PHC2: variants seen among roughly 807,000 people sequenced by gnomAD.
PHC2 encodes the protein polyhomeotic homolog 2.
A neutral mutation model predicts 87.4 loss-of-function variants in PHC2; 29 were observed. The observed-to-expected ratio is 0.33, with a 90% CI of 0.25 to 0.45. The LOEUF (loss-of-function observed/expected upper bound fraction) is 0.45, where lower values mean the gene tolerates loss of function less well. Ranked by LOEUF, PHC2 falls within the 20% of genes least tolerant of loss-of-function variation. The probability of loss-of-function intolerance (pLI) is 1.00; values close to 1 mark genes in which losing one functional copy is unlikely to be tolerated. For synonymous variants in PHC2, 438 were observed against 461.7 expected (o/e 0.95, Z 0.66); for missense variants, 857 against 1,136.7 (o/e 0.75, Z 3.54).
chr1:33,371,246 A>G, intron 3 of PHC2, 152 bp from the exon 4 acceptor site: 1 of 659,074 alleles, frequency 1.5e-6, no homozygotes, highest in Non-Finnish European at 2.8e-6. Context: ...GCCCACAGCA[A>G]GTATCCCGCC....
intron 9 of PHC2, among the ~76,000 whole-genome samples, chr1:33,336,001 T>G (rs557931924): frequency 0.34 from 51,382 of 149,692 alleles, 9,963 homozygotes; most frequent in African/African-American, 0.53. Flanking sequence ...TTGTTGTTTT[T>G]TTTTTTAGAT....
At position 33,354,829 on chromosome 1, in the gene PHC2, C is replaced by G. The variant is rs917710199; in HGVS notation, c.1392+9G>C. ...TGTGCTCCCTGGACCTTGGGGCTGG[C>G]TTACTCACCACTGGTGAAGCAGGCT... On this transcript the variant is annotated intron_variant, in intron 8 of 14. Transcript: ENST00000683057. 4 of 1,610,680 alleles carry G rather than the reference C, an allele frequency of 2.5e-6. No homozygotes were observed. The highest frequency in any genetic ancestry group is 1.7e-6 in the Non-Finnish European group (2 of 1,177,980).
At chr1:33,426,205 TTC>T (rs1386781497) in intron 1 of PHC2, among the ~76,000 whole-genome samples, 3 of 152,196 alleles carry the variant, frequency 2.0e-5, no homozygotes, top group African/African-American at 7.2e-5. Flanking sequence ...AAATAGAAGT[TTC>T]TGTTTTTCAT....
rs1646514309 is a variant in PHC2 at position 33,332,171 on chromosome 1, C to T, written c.1891+104G>A. ...GTGCTGGGGGAAATGTTTACAGACTCGCTGGCTCAGGGTTCCTCTGGGGAA... is the reference window on the plus strand; with the variant it reads ...GTGCTGGGGGAAATGTTTACAGACTTGCTGGCTCAGGGTTCCTCTGGGGAA... On this transcript the variant is annotated intron_variant, in intron 11 of 14. Transcript: ENST00000683057. The surrounding 1 kb of genome is among the most constrained non-coding windows in gnomAD (Gnocchi z 4.2). 7 of 1,318,224 alleles carry T rather than the reference C, an allele frequency of 5.3e-6. No individual in the cohort carries two copies. Among genetic ancestry groups the T allele is most frequent in the South Asian group, 3.8e-5 (3 of 79,160 alleles). 81.7% of individuals were successfully genotyped at this position (1,318,224 alleles called of 1,614,324 possible).
At chr1:33,423,789 A>G (rs906489682) in intron 1 of PHC2, among the ~76,000 whole-genome samples, 1 of 152,232 alleles carries the variant, frequency 6.6e-6, no homozygotes, top group Admixed American at 6.5e-5. Context: ...ATGAAAATAC[A>G]TATTTTTTAT....
rs200457471 is a variant in PHC2 at position 33,369,894 on chromosome 1, TG to T, written c.576+526del. On this transcript the variant is annotated intron_variant, in intron 5 of 14. Coordinates refer to ENST00000683057, the MANE Select transcript of PHC2 (RefSeq NM_001385109.1). The surrounding 1 kb of genome is among the most constrained non-coding windows in gnomAD (Gnocchi z 4.7). ...GGATAGGTGCAAAGGAAAGAGTTGG[TG>T]CTATCCTGAGTATATCCTGCCCAAA... Among the ~76,000 whole-genome samples, 114 of 152,198 alleles carry T rather than the reference TG, an allele frequency of 7.5e-4. 1 individual carries two copies. In the East Asian group the frequency reaches 0.018, roughly 25 times the overall value.
At chr1:33,423,908 A>G (rs911370759) in intron 1 of PHC2, among the ~76,000 whole-genome samples, 2 of 152,112 alleles carry the variant, frequency 1.3e-5, no homozygotes, top group African/African-American at 2.4e-5. Context: ...ACCACCCTGG[A>G]CAACGTGGTG....
chr1:33,428,006 T>C (rs1376775373), intron 1 of PHC2, among the ~76,000 whole-genome samples: 1 of 152,078 alleles, frequency 6.6e-6, no homozygotes, highest in Admixed American at 6.6e-5. Flanking sequence ...ATTATCACCA[T>C]TTTTTTTCTT....
At chr1:33,412,123 G>T (rs1221397030) in intron 1 of PHC2, among the ~76,000 whole-genome samples, 1 of 152,104 alleles carries the variant, frequency 6.6e-6, no homozygotes, top group Non-Finnish European at 1.5e-5. Flanking sequence ...AAGGTTTAAA[G>T]ATTAGAAAGG....
In PHC2 at chr1:33,346,172, G is replaced by A. The variant is rs554526001; in HGVS notation, c.1558+8229C>T. 149 of 977,298 alleles carry A rather than the reference G, an allele frequency of 1.5e-4. No individual in the cohort carries two copies. In the Middle Eastern group the frequency reaches 2.1e-3, roughly 14 times the overall value. 60.5% of individuals were successfully genotyped at this position (977,298 alleles called of 1,614,324 possible). A position where few individuals can be genotyped will look rare whatever the true frequency, so the allele number is the denominator to read the frequency against. On this transcript the variant is annotated intron_variant, in intron 9 of 14. Coordinates refer to ENST00000683057, the MANE Select transcript of PHC2 (RefSeq NM_001385109.1). Reference sequence around the variant, plus strand: ...TCATTGGCACAAAGTCCCCATCAGAGTAGACTGCATAACGCAGTCAGTTCT... The same window carrying A: ...TCATTGGCACAAAGTCCCCATCAGAATAGACTGCATAACGCAGTCAGTTCT...
intron 9 of PHC2, among the ~76,000 whole-genome samples, chr1:33,340,920 G>T (rs931457711): frequency 6.7e-6 from 1 of 150,020 alleles, no homozygotes; most frequent in African/African-American, 2.4e-5. Context: ...GGGATGGGGT[G>T]GGGGAGGGGG....
intron 1 of PHC2, among the ~76,000 whole-genome samples, chr1:33,412,162 A>AT (rs1650010040): frequency 6.6e-6 from 1 of 152,246 alleles, no homozygotes; most frequent in African/African-American, 2.4e-5. Context: ...TGCAAACAAC[A>AT]TAATTGTGTT....
At chr1:33,347,266 A>C (rs1257079308) in intron 9 of PHC2, 3 of 985,302 alleles carry the variant, frequency 3.0e-6, no homozygotes, top group African/African-American at 3.5e-5. Context: ...GAAGCAGCAC[A>C]GTGCCTTCCT....
In PHC2 at chr1:33,349,001, A is replaced by G. The variant is rs1646901030; in HGVS notation, c.1558+5400T>C. The G allele has an allele frequency of 1.1e-6, 1 of 899,708 alleles. No individual in the cohort carries two copies. The highest frequency in any genetic ancestry group is 6.2e-5 in the Admixed American group (1 of 16,182). The allele number at this position is 899,708 out of a possible 1,614,324, so 55.7% of individuals were successfully genotyped here. ...TGTCTGTGGACTTCAGTTTAAATAC[A>G]GAATCTCACAAATCCCGATTTTAAT... is the stretch of plus-strand genomic sequence containing the variant. On this transcript the variant is annotated intron_variant, in intron 9 of 14. Transcript: ENST00000683057. This position sits in a 1 kb window ranked among gnomAD's most constrained non-coding sequence, Gnocchi z 4.2.
Position 33,334,341 on chromosome 1 carries a change from G to C in PHC2, c.1559-49C>G, listed in dbSNP as rs747451582. 6.4e-7 allele frequency: 1 copy of C among 1,554,122 alleles called. No individual in the cohort carries two copies. The highest frequency in any genetic ancestry group is 8.8e-7 in the Non-Finnish European group (1 of 1,131,074). On this transcript the variant is annotated intron_variant, in intron 9 of 14. Coordinates refer to ENST00000683057, the MANE Select transcript of PHC2 (RefSeq NM_001385109.1). This position sits in a 1 kb window ranked among gnomAD's most constrained non-coding sequence, Gnocchi z 5.5. ...CAAAGCAGGGGAGATCAGAACCAGAGTCCACGCCCAGGGAGGGACAGCAAG... is the reference window on the plus strand; with the variant it reads ...CAAAGCAGGGGAGATCAGAACCAGACTCCACGCCCAGGGAGGGACAGCAAG...
At chr1:33,411,849 C>G (rs1039347967) in intron 1 of PHC2, among the ~76,000 whole-genome samples, 2 of 152,106 alleles carry the variant, frequency 1.3e-5, no homozygotes, top group African/African-American at 4.8e-5. Context: ...ATGAGCCATT[C>G]GCACCGGGCC....
chr1:33,402,028 C>A (rs1463514570), intron 1 of PHC2, among the ~76,000 whole-genome samples: 2 of 151,900 alleles, frequency 1.3e-5, no homozygotes, highest in East Asian at 1.9e-4. Context: ...TAATAACAAG[C>A]CTTACACTGA....
chr1:33,413,815 T>C (rs1271792774), intron 1 of PHC2, among the ~76,000 whole-genome samples: 1 of 152,210 alleles, frequency 6.6e-6, no homozygotes. Flanking sequence ...TCAAATTATT[T>C]TCCTAATGAA....
At position 33,330,209 on chromosome 1, in the gene PHC2, G is replaced by A; in HGVS notation, c.2010C>T (p.Tyr670=). 6.2e-7 allele frequency: 1 copy of A among 1,614,050 alleles called. No individual in the cohort carries two copies. Among genetic ancestry groups the A allele is most frequent in the Non-Finnish European group, 8.5e-7 (1 of 1,180,010 alleles). The part of the protein sequence containing the change: ...RFCSMACAKR[Y]NVGCTKRVGL... ...CCACCCGTTTGGTGCATCCCACGTT[G>A]TACCTTCAGGGACAGGGGAACAGGG... Residue 670 remains tyrosine, a synonymous_variant, in exon 13 of 15, where the codon TAC becomes TAT. Coordinates refer to ENST00000683057, the MANE Select transcript of PHC2 (RefSeq NM_001385109.1).
Sources: gnomAD v4.1 joint callset for allele counts (sites outside exome capture counted in the v4.1 genomes callset) on GRCh38, gnomAD v4.1.1 for gene constraint, Gnocchi (gnomAD v3.1) non-coding constraint, MANE v1.5 for transcripts, NCBI Gene and HGNC (gene_info 2026-07-23, HGNC 2026-07-21) for gene names.